Variants in FGF12 observed in about 807,000 individuals in gnomAD.
FGF12 encodes fibroblast growth factor 12.
In FGF12, 14 loss-of-function variants were observed where a neutral mutation model predicts 23.6. The ratio of observed to expected loss-of-function variants is 0.59; its 90% CI spans 0.39 to 0.93. The LOEUF (loss-of-function observed/expected upper bound fraction) is 0.93. FGF12 is among the 40% of genes least tolerant of loss of function. The pLI is 0.00. For synonymous variants in FGF12, 62 were observed against 77.3 expected, an observed-to-expected ratio of 0.80 and a Z score of 1.04; for missense variants, 175 against 217.8, an observed-to-expected ratio of 0.80 and a Z score of 1.24.
chr3:192,162,491 T>G (rs2108606589), intron 5 of FGF12, among the ~76,000 whole-genome samples: 1 of 152,154 alleles, frequency 6.6e-6, no homozygotes, highest in South Asian at 2.1e-4. Context: ...AAAGACTACA[T>G]TCAGAAACCA....
At chr3:192,304,360 T>C (rs76267799) in intron 4 of FGF12, among the ~76,000 whole-genome samples, 4,272 of 152,274 alleles carry the variant, frequency 0.028, 160 homozygotes, top group South Asian at 0.17. Flanking sequence ...TTCCATGAAA[T>C]TACTATTCTC....
chr3:192,409,783 G>T lies in FGF12; in HGVS notation c.14-49245C>A, dbSNP rs1721128925. On this transcript the variant is annotated intron_variant, in intron 2 of 5. Coordinates refer to ENST00000445105, the MANE Select transcript of FGF12 (RefSeq NM_004113.6). This position sits in a 1 kb window ranked among gnomAD's most constrained non-coding sequence, Gnocchi z 4.8. ...GCGAGGCAGCCGAGGGCGCAACCCGGGCGCTTGGGGCCGGAGGCGGAATCA... is the reference window on the plus strand; with the variant it reads ...GCGAGGCAGCCGAGGGCGCAACCCGTGCGCTTGGGGCCGGAGGCGGAATCA... Among the ~76,000 whole-genome samples, 1 of 152,098 alleles carries T rather than the reference G, an allele frequency of 6.6e-6. No homozygotes were observed. Among genetic ancestry groups the T allele is most frequent in the African/African-American group, 2.4e-5 (1 of 41,446 alleles).
intron 4 of FGF12, among the ~76,000 whole-genome samples, chr3:192,235,177 T>C (rs1719221224): frequency 6.6e-6 from 1 of 152,164 alleles, no homozygotes; most frequent in South Asian, 2.1e-4. Flanking sequence ...GTTCAGGGTA[T>C]TTTTTAGTTT....
chr3:192,374,134 G>A (rs921182986), intron 2 of FGF12, among the ~76,000 whole-genome samples: 1 of 152,144 alleles, frequency 6.6e-6, no homozygotes, highest in Non-Finnish European at 1.5e-5. Flanking sequence ...TTTTGTTTAG[G>A]TGTTACAGAA....
intron 2 of FGF12, among the ~76,000 whole-genome samples, chr3:192,394,161 C>G (rs1157208580): frequency 6.6e-6 from 1 of 152,184 alleles, no homozygotes; most frequent in East Asian, 1.9e-4. Flanking sequence ...TTCGAGACTA[C>G]ACTAGTAAAT....
At chr3:192,611,020 A>G (rs897191472) in intron 2 of FGF12, among the ~76,000 whole-genome samples, 4 of 151,962 alleles carry the variant, frequency 2.6e-5, no homozygotes, top group Non-Finnish European at 5.9e-5. Flanking sequence ...ATTTTCCCCA[A>G]TTACATTTTA....
chr3:192,266,174 C>A (rs1283088212), intron 4 of FGF12, among the ~76,000 whole-genome samples: 1 of 152,076 alleles, frequency 6.6e-6, no homozygotes, highest in African/African-American at 2.4e-5. Context: ...TTAGTTGCTC[C>A]CTCTATGTTT....
intron 2 of FGF12, among the ~76,000 whole-genome samples, chr3:192,652,228 T>C (rs1716239099): frequency 6.6e-6 from 1 of 152,208 alleles, no homozygotes; most frequent in Non-Finnish European, 1.5e-5. Flanking sequence ...CATTGAACAA[T>C]TCATCATGTT....
chr3:192,493,171 T>C (rs1327081924), intron 2 of FGF12, among the ~76,000 whole-genome samples: 1 of 152,064 alleles, frequency 6.6e-6, no homozygotes, highest in Non-Finnish European at 1.5e-5. Context: ...GTCCAGGGTC[T>C]CAGTCTAGGT....
intron 4 of FGF12, among the ~76,000 whole-genome samples, chr3:192,273,181 T>C (rs1233912770): frequency 1.3e-5 from 2 of 152,174 alleles, no homozygotes; most frequent in East Asian, 3.9e-4. Context: ...GAACCACTTA[T>C]GCTGTTACAT....
At chr3:192,595,210 T>A (rs1412427927) in intron 2 of FGF12, among the ~76,000 whole-genome samples, 1 of 152,234 alleles carries the variant, frequency 6.6e-6, no homozygotes, top group African/African-American at 2.4e-5. Flanking sequence ...TTATTATGAG[T>A]TAAATTAATC....
At chr3:192,194,589 G>A (rs904283332) in intron 4 of FGF12, among the ~76,000 whole-genome samples, 2 of 152,102 alleles carry the variant, frequency 1.3e-5, no homozygotes, top group Non-Finnish European at 2.9e-5. Flanking sequence ...AAATAAAATA[G>A]TATATACCTG....
At chr3:192,657,753 C>T (rs945998010) in intron 2 of FGF12, among the ~76,000 whole-genome samples, 3 of 152,194 alleles carry the variant, frequency 2.0e-5, no homozygotes, top group Admixed American at 1.3e-4. Flanking sequence ...TGCATGTCCA[C>T]TAACACTTAA....
chr3:192,187,738 G>C (rs922740897), intron 4 of FGF12, among the ~76,000 whole-genome samples: 4 of 150,152 alleles, frequency 2.7e-5, no homozygotes, highest in African/African-American at 9.8e-5. Context: ...AATGAAGAGA[G>C]ATAAACGAAA....
intron 2 of FGF12, among the ~76,000 whole-genome samples, chr3:192,364,500 C>T (rs1418643994): frequency 6.6e-6 from 1 of 152,162 alleles, no homozygotes. Context: ...CCCAGCTAGA[C>T]CATATGTCCT....
chr3:192,692,985 A>T (rs1475269224), intron 2 of FGF12, among the ~76,000 whole-genome samples: 2 of 152,104 alleles, frequency 1.3e-5, no homozygotes, highest in African/African-American at 4.8e-5. Flanking sequence ...AGAAAAAAAA[A>T]AATAAAAGGT....
rs142169402 is a variant in FGF12, at chr3:192,468,163, T to C, written c.14-107625A>G. ...TCCTGTCTGATGGTTTCAATGACAA[T>C]CTTTTTGGAAAAATTGAAAGATGAG... On this transcript the variant is annotated intron_variant, in intron 2 of 5. Transcript: ENST00000445105. Among the ~76,000 whole-genome samples, 124 of 152,270 alleles carry C rather than the reference T, an allele frequency of 8.1e-4. No homozygotes were observed. The East Asian group carries it at 0.021, about 26-fold the overall frequency.
rs187895423 is a variant in FGF12 at position 192,195,069 on chromosome 3, G to A, written c.229-24413C>T. The stretch of plus-strand genomic sequence containing the variant: ...GTGGTTGTCTTGGAGCCAGAACTAG[G>A]ATGCAGATTGGCAGTCCTATACGTA... On this transcript the variant is annotated intron_variant, in intron 4 of 5. Coordinates refer to ENST00000445105, the MANE Select transcript of FGF12 (RefSeq NM_004113.6). Among the ~76,000 whole-genome samples, 131 of 152,320 alleles carry A rather than the reference G, an allele frequency of 8.6e-4. 1 individual carries two copies. The highest frequency in any genetic ancestry group is 6.8e-3 in the Middle Eastern group (2 of 294).
chr3:192,288,900 T>C (rs1213670624), intron 4 of FGF12, among the ~76,000 whole-genome samples: 1 of 152,092 alleles, frequency 6.6e-6, no homozygotes, highest in Non-Finnish European at 1.5e-5. Context: ...TAAGCTCTCA[T>C]GTGCACCATG....
Sources: allele counts gnomAD v4.1 joint callset (sites outside exome capture counted in the v4.1 genomes callset), GRCh38; gene constraint gnomAD v4.1.1; non-coding constraint Gnocchi (gnomAD v3.1); transcripts MANE v1.5; gene names NCBI Gene and HGNC (gene_info 2026-07-23, HGNC 2026-07-21).